Variants in NKAIN1 observed in about 807,000 individuals in gnomAD.
NKAIN1 encodes sodium/potassium-transporting ATPase subunit beta-1-interacting protein 1.
A neutral mutation model predicts 31.6 loss-of-function variants in NKAIN1; 13 were observed. The ratio of observed to expected loss-of-function variants is 0.41; its 90% CI spans 0.27 to 0.65. NKAIN1 has a LOEUF of 0.65. Among genes scored for constraint, NKAIN1 ranks in the 30% least tolerant of loss-of-function variants. The probability of loss-of-function intolerance (pLI) is 0.30; values close to 1 mark genes in which losing one functional copy is unlikely to be tolerated. For synonymous variants in NKAIN1, 104 were observed against 109.0 expected, an observed-to-expected ratio of 0.95 and a Z score of 0.28; for missense variants, 193 against 262.2, an observed-to-expected ratio of 0.74 and a Z score of 1.82.
At chr1:31,214,020 T>A (rs61778335) in intron 1 of NKAIN1, among the ~76,000 whole-genome samples, 7 of 17,950 alleles carry the variant, frequency 3.9e-4, no homozygotes, top group South Asian at 1.4e-3. Flanking sequence ...AAAAATTAAT[T>A]AATTAATTAA....
intron 1 of NKAIN1, among the ~76,000 whole-genome samples, chr1:31,214,185 T>A (rs906030095): frequency 1.3e-5 from 2 of 151,812 alleles, no homozygotes; most frequent in Non-Finnish European, 2.9e-5. Flanking sequence ...TCACAAAGGA[T>A]CACCTACTGT....
intron 1 of NKAIN1, among the ~76,000 whole-genome samples, chr1:31,211,967 C>A (rs551882516): frequency 1.2e-4 from 18 of 149,300 alleles, no homozygotes; most frequent in African/African-American, 4.6e-4. Flanking sequence ...CAAAACAAAA[C>A]AAAAATATAT....
In NKAIN1 at chr1:31,218,016, TTTTCTTTC is replaced by T. The variant is rs1553163596; in HGVS notation, c.54+21470_54+21477del. 5.6e-3 allele frequency among the ~76,000 whole-genome samples: 609 copies of T among 108,222 alleles called. 5 individuals are homozygous for T. Among genetic ancestry groups the T allele is most frequent in the African/African-American group, 0.014 (369 of 27,316 alleles). 71.0% of individuals were successfully genotyped at this position (108,222 alleles called of 152,430 possible). ...TTGGCCATAATCACAGCAGCTACCA[TTTTCTTTC>T]TTTCTTTCTTTCTTTCTTTCTTTCT... On this transcript the variant is annotated intron_variant, in intron 1 of 6. Transcript: ENST00000373736.
At chr1:31,195,874 G>A (rs1345054911) in intron 1 of NKAIN1, among the ~76,000 whole-genome samples, 2 of 134,904 alleles carry the variant, frequency 1.5e-5, no homozygotes, top group East Asian at 4.5e-4. Flanking sequence ...ACAGTGAGCT[G>A]TGATAGCCTA....
intron 1 of NKAIN1, among the ~76,000 whole-genome samples, chr1:31,223,011 C>T (rs1297266958): frequency 6.6e-6 from 1 of 152,196 alleles, no homozygotes; most frequent in East Asian, 1.9e-4. Flanking sequence ...GGGAGGAACA[C>T]CTGCTCTCAG....
Position 31,239,439 on chromosome 1 carries a change from A to ACCGCGCCCCG in NKAIN1, c.54+45_54+54dup, listed in dbSNP as rs1463955313. Reference sequence around the variant, plus strand: ...CGCAACCCCACCCGCACGCCCTGGGACCGCGCCCCGCCGCGCCCCACCCTG... The same window carrying ACCGCGCCCCG: ...CGCAACCCCACCCGCACGCCCTGGGACCGCGCCCCGCCGCGCCCCGCCGCGCCCCACCCTG... On this transcript the variant is annotated intron_variant, in intron 1 of 6. Coordinates refer to ENST00000373736, the MANE Select transcript of NKAIN1 (RefSeq NM_024522.3). The surrounding 1 kb of genome is among the most constrained non-coding windows in gnomAD (Gnocchi z 4.8). 7.3e-7 allele frequency: 1 copy of ACCGCGCCCCG among 1,364,696 alleles called. No individual in the cohort carries two copies. Among genetic ancestry groups the ACCGCGCCCCG allele is most frequent in the Non-Finnish European group, 9.6e-7 (1 of 1,042,176 alleles). The allele number at this position is 1,364,696 out of a possible 1,614,324, so 84.5% of individuals were successfully genotyped here.
intron 1 of NKAIN1, among the ~76,000 whole-genome samples, chr1:31,195,536 A>G (rs1482655474): frequency 6.6e-6 from 1 of 151,986 alleles, no homozygotes; most frequent in Non-Finnish European, 1.5e-5. Context: ...CACCATCCAC[A>G]GTCCCTTCTC....
At chr1:31,227,142 C>T (rs1645614383) in intron 1 of NKAIN1, among the ~76,000 whole-genome samples, 1 of 152,142 alleles carries the variant, frequency 6.6e-6, no homozygotes, top group Non-Finnish European at 1.5e-5. Context: ...ATCTTTTTAC[C>T]CCTTTATGAG....
At chr1:31,203,456 G>A (rs150921471) in intron 1 of NKAIN1, among the ~76,000 whole-genome samples, 4 of 152,202 alleles carry the variant, frequency 2.6e-5, no homozygotes, top group East Asian at 1.9e-4. Context: ...GTAGGACAAC[G>A]CTGTTTTCAC....
At chr1:31,215,371 C>A (rs1487044828) in intron 1 of NKAIN1, among the ~76,000 whole-genome samples, 1 of 152,192 alleles carries the variant, frequency 6.6e-6, no homozygotes, top group African/African-American at 2.4e-5. Flanking sequence ...CTTCTCTTTC[C>A]AGTGGAGAAT....
At chr1:31,192,015 A>G (rs1162002585) in intron 1 of NKAIN1, among the ~76,000 whole-genome samples, 1 of 152,126 alleles carries the variant, frequency 6.6e-6, no homozygotes, top group Non-Finnish European at 1.5e-5. Context: ...GCCTCAATTA[A>G]TCTTCCTGCC....
intron 1 of NKAIN1, among the ~76,000 whole-genome samples, chr1:31,229,916 G>C (rs1038444526): frequency 1.3e-5 from 2 of 152,198 alleles, no homozygotes; most frequent in African/African-American, 4.8e-5. Context: ...AAGAGGCCAC[G>C]CCTTCATCTT....
At chr1:31,213,041 T>C (rs530157910) in intron 1 of NKAIN1, among the ~76,000 whole-genome samples, 865 of 68,724 alleles carry the variant, frequency 0.013, 13 homozygotes, top group African/African-American at 0.033. Flanking sequence ...CTTTTTCTTT[T>C]GTTTTTTTTT....
At chr1:31,238,299 C>T (rs938374772) in intron 1 of NKAIN1, among the ~76,000 whole-genome samples, 1 of 152,204 alleles carries the variant, frequency 6.6e-6, no homozygotes, top group African/African-American at 2.4e-5. Context: ...TCATTGGCTC[C>T]TGTGGTGGGG....
intron 1 of NKAIN1, among the ~76,000 whole-genome samples, chr1:31,199,331 G>A (rs1645358798): frequency 6.6e-6 from 1 of 152,200 alleles, no homozygotes; most frequent in South Asian, 2.1e-4. Flanking sequence ...TTCAGACAGT[G>A]CCCATAAAGC....
rs771071831 is a variant in NKAIN1, at chr1:31,233,110, G to A, written c.54+6384C>T. Among the ~76,000 whole-genome samples the A allele has an allele frequency of 1.3e-5, 2 of 152,032 alleles. No individual in the cohort carries two copies. The highest frequency in any genetic ancestry group is 2.9e-5 in the Non-Finnish European group (2 of 67,988). ...ATTACAGGTGCCCACCACCACGCTCGGCTAATTTTTTGTATTTTTAGTAGA... is the reference window on the plus strand; with the variant it reads ...ATTACAGGTGCCCACCACCACGCTCAGCTAATTTTTTGTATTTTTAGTAGA... On this transcript the variant is annotated intron_variant, in intron 1 of 6. Coordinates refer to ENST00000373736, the MANE Select transcript of NKAIN1 (RefSeq NM_024522.3). This position sits in a 1 kb window ranked among gnomAD's most constrained non-coding sequence, Gnocchi z 4.0.
intron 2 of NKAIN1, among the ~76,000 whole-genome samples, chr1:31,187,351 A>G (rs1645251535): frequency 6.6e-6 from 1 of 152,308 alleles, no homozygotes; most frequent in South Asian, 2.1e-4. Flanking sequence ...GACAGAGACT[A>G]TCAGGGACCA....
At chr1:31,190,757 A>G (rs1645278769) in intron 1 of NKAIN1, among the ~76,000 whole-genome samples, 1 of 152,106 alleles carries the variant, frequency 6.6e-6, no homozygotes, top group South Asian at 2.1e-4. Flanking sequence ...AGGCTTGTCC[A>G]GGGGCCTCTG....
intron 1 of NKAIN1, among the ~76,000 whole-genome samples, chr1:31,222,018 A>G (rs1227899307): frequency 6.6e-6 from 1 of 152,118 alleles, no homozygotes; most frequent in Non-Finnish European, 1.5e-5. Context: ...AGCTGGAATT[A>G]CAGGCGCCCA....
Sources: gnomAD v4.1 joint callset for allele counts (sites outside exome capture counted in the v4.1 genomes callset) on GRCh38, gnomAD v4.1.1 for gene constraint, Gnocchi (gnomAD v3.1) non-coding constraint, MANE v1.5 for transcripts, NCBI Gene and HGNC (gene_info 2026-07-23, HGNC 2026-07-21) for gene names.